The following ESR1 variants were observed in gnomAD, a reference collection of about 807,000 sequenced individuals.
ESR1 encodes estrogen receptor 1, also known as estrogen receptor.
ESR1 carries 12 observed loss-of-function variants against 52.7 expected under a neutral mutation model. The ratio of observed to expected loss-of-function variants is 0.23; its 90% CI spans 0.15 to 0.37. The LOEUF (loss-of-function observed/expected upper bound fraction) is 0.37, where lower values mean the gene tolerates loss of function less well. ESR1 is among the 10% of genes least tolerant of loss of function. The pLI, the probability that ESR1 is intolerant of heterozygous loss-of-function variation, is 1.00. For synonymous variants in ESR1, 305 were observed against 316.8 expected (o/e 0.96, Z 0.39); for missense variants, 584 against 779.7 (o/e 0.75, Z 2.99).
At chr6:151,956,237 T>C (rs1027760316) in intron 4 of ESR1, among the ~76,000 whole-genome samples, 5 of 152,210 alleles carry the variant, frequency 3.3e-5, no homozygotes, top group Non-Finnish European at 5.9e-5. Flanking sequence ...TTTGAGTATA[T>C]ACCCAGTAGT....
intron 2 of ESR1, among the ~76,000 whole-genome samples, chr6:151,857,589 C>T (rs898738342): frequency 3.9e-5 from 6 of 151,924 alleles, no homozygotes; most frequent in South Asian, 2.1e-4. Flanking sequence ...AGTGCAGTGG[C>T]GCAAACTTGC....
At chr6:151,899,097 C>T (rs1243321125) in intron 3 of ESR1, among the ~76,000 whole-genome samples, 1 of 143,818 alleles carries the variant, frequency 7.0e-6, no homozygotes, top group Non-Finnish European at 1.5e-5. Flanking sequence ...CACCTCCCTC[C>T]CGGACGGGGC....
chr6:151,667,286 A>G (rs1217639676), intron 1 of ESR1, among the ~76,000 whole-genome samples: 9 of 152,278 alleles, frequency 5.9e-5, no homozygotes, highest in Admixed American at 2.0e-4. Flanking sequence ...TTCTTTTCCC[A>G]CTAGACAGTC....
At chr6:151,737,741 C>T (rs886153047) in intron 2 of ESR1, among the ~76,000 whole-genome samples, 2 of 152,124 alleles carry the variant, frequency 1.3e-5, no homozygotes, top group Non-Finnish European at 2.9e-5. Context: ...TATAAGGGTA[C>T]ACACACAAAT....
At chr6:151,980,934 C>T (rs1376060745) in intron 4 of ESR1, among the ~76,000 whole-genome samples, 1 of 152,224 alleles carries the variant, frequency 6.6e-6, no homozygotes, top group Non-Finnish European at 1.5e-5. Flanking sequence ...AAACTCCTGA[C>T]CTTGTGGTCC....
intron 5 of ESR1, among the ~76,000 whole-genome samples, chr6:152,045,756 T>C (rs1296373970): frequency 6.6e-6 from 1 of 152,272 alleles, no homozygotes; most frequent in Non-Finnish European, 1.5e-5. Flanking sequence ...GCCTAACCTA[T>C]GAGGTTGGTG....
downstream of ESR1, among the ~76,000 whole-genome samples, chr6:152,105,371 T>C (rs1205936572): frequency 6.6e-6 from 1 of 151,904 alleles, no homozygotes; most frequent in Non-Finnish European, 1.5e-5. Context: ...TTTAACCTTT[T>C]CCCCCCAAAT....
intron 2 of ESR1, among the ~76,000 whole-genome samples, chr6:151,702,394 C>T (rs1779863722): frequency 1.3e-5 from 2 of 151,980 alleles, no homozygotes; most frequent in African/African-American, 4.8e-5. Flanking sequence ...AGAGCTTTAC[C>T]ATAGTTTCCA....
chr6:152,088,493 C>T (rs955624317), intron 6 of ESR1, among the ~76,000 whole-genome samples: 14 of 152,156 alleles, frequency 9.2e-5, no homozygotes, highest in African/African-American at 3.1e-4. Flanking sequence ...AGAAGTGGGA[C>T]CTTTAAGAGG....
rs113117602 is a variant in ESR1 at position 151,735,565 on chromosome 6, GT to G, written c.-71+33570del. 1.4e-3 allele frequency among the ~76,000 whole-genome samples: 204 copies of G among 147,244 alleles called. 1 individual carries two copies. Among genetic ancestry groups the G allele is most frequent in the African/African-American group, 4.9e-3 (195 of 40,188 alleles). ...GGGAGGTACTTGGTTGTTTGTTTTT[GT>G]TTTTTTTTTCATTTCAATAGCTTTA... On this transcript the variant is annotated intron_variant, in intron 2 of 2. Transcript: ENST00000404742.
At chr6:152,056,580 A>G (rs1442473638) in intron 5 of ESR1, among the ~76,000 whole-genome samples, 1 of 152,176 alleles carries the variant, frequency 6.6e-6, no homozygotes, top group African/African-American at 2.4e-5. Context: ...ACAGGCTTTT[A>G]TTTTTATAGA....
At chr6:151,768,828 C>A (rs1332186086) in intron 2 of ESR1, among the ~76,000 whole-genome samples, 2 of 152,188 alleles carry the variant, frequency 1.3e-5, no homozygotes, top group Non-Finnish European at 2.9e-5. Flanking sequence ...AAAGCAATAA[C>A]CCTGGCTCTT....
At chr6:151,903,743 G>T (rs1009453516) in intron 3 of ESR1, among the ~76,000 whole-genome samples, 11 of 152,176 alleles carry the variant, frequency 7.2e-5, no homozygotes, top group African/African-American at 2.7e-4. Flanking sequence ...CCAGTGCCCA[G>T]CTGGCTGCTT....
rs964656102 is a variant in ESR1 at position 151,715,483 on chromosome 6, A to G, written c.-71+13478A>G. ...CACTTTCAGGTACATCATCAAATATAGGTTTGGTCTTTTCACATAGTCCCA... is the reference window on the plus strand; with the variant it reads ...CACTTTCAGGTACATCATCAAATATGGGTTTGGTCTTTTCACATAGTCCCA... On this transcript the variant is annotated intron_variant, in intron 2 of 2. Transcript: ENST00000404742. 5.3e-5 allele frequency among the ~76,000 whole-genome samples: 8 copies of G among 152,204 alleles called. No individual in the cohort carries two copies. The East Asian group carries it at 1.2e-3, about 22-fold the overall frequency.
chr6:151,874,503 T>C (rs1690427784), intron 2 of ESR1, among the ~76,000 whole-genome samples: 1 of 152,108 alleles, frequency 6.6e-6, no homozygotes, highest in Non-Finnish European at 1.5e-5. Flanking sequence ...AAAGGAAAAA[T>C]AACTACACCA....
intron 1 of ESR1, 46 bp downstream of exon 1, chr6:151,808,410 AGGAGGGAG>A (rs58440257): frequency 1.4e-4 from 43 of 305,026 alleles, no homozygotes; most frequent in East Asian, 4.2e-4. Flanking sequence ...CGCGCCCGGC[AGGAGGGAG>A]GGAGGGAGGG....
intron 4 of ESR1, among the ~76,000 whole-genome samples, chr6:151,993,806 C>T (rs140722368): frequency 2.6e-5 from 4 of 152,252 alleles, no homozygotes; most frequent in Non-Finnish European, 5.9e-5. Context: ...CACACGGCTT[C>T]TTAGTGGAGA....
At chr6:151,877,548 G>C (rs893902313) in intron 2 of ESR1, among the ~76,000 whole-genome samples, 3 of 152,124 alleles carry the variant, frequency 2.0e-5, no homozygotes, top group African/African-American at 7.2e-5. Flanking sequence ...GAATTCAATT[G>C]TAAAAATCTA....
chr6:151,831,474 C>A (rs930346608), intron 1 of ESR1, among the ~76,000 whole-genome samples: 1 of 152,126 alleles, frequency 6.6e-6, no homozygotes, highest in Non-Finnish European at 1.5e-5. Context: ...TTTAGTATTT[C>A]TGGGTTTAAG....
Sources: allele counts gnomAD v4.1 joint callset (sites outside exome capture counted in the v4.1 genomes callset), GRCh38; gene constraint gnomAD v4.1.1; transcripts MANE v1.5; gene names NCBI Gene and HGNC (gene_info 2026-07-23, HGNC 2026-07-21).